The following ADGRV1 variants were observed in gnomAD, a reference collection of about 807,000 sequenced individuals.
The protein encoded by ADGRV1 is adhesion G protein-coupled receptor V1.
A neutral mutation model predicts 596.2 loss-of-function variants in ADGRV1; 359 were observed. The ratio of observed to expected loss-of-function variants is 0.60; its 90% CI spans 0.55 to 0.66. The LOEUF (loss-of-function observed/expected upper bound fraction) is 0.66. Ranked by LOEUF, ADGRV1 falls within the 30% of genes least tolerant of loss-of-function variation. The pLI is 0.00. For missense variants in ADGRV1, 7,274 were observed against 7,575.6 expected, an observed-to-expected ratio of 0.96 and a Z score of 1.48; for synonymous variants, 2,681 against 2,679.2, an observed-to-expected ratio of 1.00 and a Z score of -0.02.
At chr5:90,801,641 A>G (rs556995003) in intron 70 of ADGRV1, among the ~76,000 whole-genome samples, 156 of 152,196 alleles carry the variant, frequency 1.0e-3, no homozygotes, top group Admixed American at 1.6e-3. Flanking sequence ...CCATCATGGT[A>G]TATATTTTGC....
chr5:91,012,778 C>T (rs1782831278), intron 85 of ADGRV1, among the ~76,000 whole-genome samples: 1 of 151,824 alleles, frequency 6.6e-6, no homozygotes, highest in Non-Finnish European at 1.5e-5. Flanking sequence ...GTTTGTTATA[C>T]AAGTAAATTT....
intron 74 of ADGRV1, among the ~76,000 whole-genome samples, chr5:90,813,779 C>T (rs1053571506): frequency 7.2e-5 from 11 of 152,090 alleles, no homozygotes; most frequent in African/African-American, 1.9e-4. Context: ...CTCACTTAAC[C>T]GGATAATTAA....
At chr5:90,762,440 GAAAAC>G (rs1423145515) in intron 58 of ADGRV1, among the ~76,000 whole-genome samples, 1 of 152,086 alleles carries the variant, frequency 6.6e-6, no homozygotes, top group Non-Finnish European at 1.5e-5. Flanking sequence ...ATCTCATGAA[GAAAAC>G]AAAACAAGAT....
intron 4 of ADGRV1, among the ~76,000 whole-genome samples, chr5:90,620,328 G>C (rs1763900125): frequency 6.6e-6 from 1 of 152,156 alleles, no homozygotes; most frequent in South Asian, 2.1e-4. Flanking sequence ...TTGTGGTTTT[G>C]ATTTGCATTT....
intron 20 of ADGRV1, chr5:90,655,257 T>C (rs1769236209): frequency 1.3e-5 from 2 of 152,162 alleles, no homozygotes; most frequent in Admixed American, 1.3e-4. Flanking sequence ...TAAGATTCAC[T>C]TTTCCTATTT....
At chr5:90,755,948 AG>A (rs1244517992) in intron 55 of ADGRV1, among the ~76,000 whole-genome samples, 1 of 151,082 alleles carries the variant, frequency 6.6e-6, no homozygotes, top group Non-Finnish European at 1.5e-5. Context: ...GAAAGATATA[AG>A]GGATGGGATA....
intron 72 of ADGRV1, 46 bp from the exon 73 acceptor site, chr5:90,807,554 TAA>T: frequency 6.5e-7 from 1 of 1,537,394 alleles, no homozygotes; most frequent in Non-Finnish European, 8.8e-7. Flanking sequence ...AATCCCAATT[TAA>T]GAAAAGAAAT....
rs1425640860 is a variant in ADGRV1 at position 90,784,027 on chromosome 5, G to A, written c.13623G>A (p.Glu4541=). 5 of 1,612,530 alleles carry A rather than the reference G, an allele frequency of 3.1e-6. No individual in the cohort carries two copies. Among genetic ancestry groups the A allele is most frequent in the Non-Finnish European group, 4.2e-6 (5 of 1,179,258 alleles). Residue 4541 remains glutamate, a synonymous_variant, in exon 67 of 90, where the codon GAG becomes GAA. Transcript: ENST00000405460. Reference sequence around the variant, plus strand: ...CAATGATTTTATCACTGGTGCTGGAGCGGACTGGAGGACTCTTGGGAGAGA... The same window carrying A: ...CAATGATTTTATCACTGGTGCTGGAACGGACTGGAGGACTCTTGGGAGAGA... ...NSTMILSLVL[E]RTGGLLGEIQ...
At chr5:90,681,818 CTCCCTCACTCCG>C (rs1192795917) in intron 27 of ADGRV1, among the ~76,000 whole-genome samples, 4,737 of 147,244 alleles carry the variant, frequency 0.032, 152 homozygotes, top group African/African-American at 0.085. Context: ...CCCTCCCTCC[CTCCCTCACTCCG>C]TCCCTCCCTC....
Position 91,095,695 on chromosome 5 carries a change from G to T in ADGRV1, c.18311-6524G>T, listed in dbSNP as rs1463970739. ...TAAAGACCTATGTTTTAGAAATAAG[G>T]CTCTTTGATACCCTTTTGTTTCAAT... On this transcript the variant is annotated intron_variant, in intron 86 of 89. Transcript: ENST00000405460. Among the ~76,000 whole-genome samples the T allele has an allele frequency of 3.3e-5, 5 of 152,018 alleles. No homozygotes were observed. The East Asian group carries it at 9.6e-4, about 29-fold the overall frequency.
chr5:90,569,168 C>G (rs966937859), intron 1 of ADGRV1, among the ~76,000 whole-genome samples: 1 of 151,618 alleles, frequency 6.6e-6, no homozygotes, highest in Non-Finnish European at 1.5e-5. Flanking sequence ...AACCCACCCC[C>G]CTAATAGCAG....
rs867878437 is a variant in ADGRV1 at position 91,127,081 on chromosome 5, G to A, written c.18433-22949G>A. Among the ~76,000 whole-genome samples the A allele has an allele frequency of 1.7e-3, 256 of 152,202 alleles. 1 individual carries two copies. Among genetic ancestry groups the A allele is most frequent in the Admixed American group, 0.01 (155 of 15,290 alleles). On this transcript the variant is annotated intron_variant, in intron 87 of 89. Transcript: ENST00000405460. The stretch of plus-strand genomic sequence containing the variant: ...CAACCTGAACAAAGAGCACCTTTGC[G>A]CTTGCTGGTAGGTGCTGTACCAGAC...
chr5:90,831,108 C>A (rs1764480480), intron 77 of ADGRV1, among the ~76,000 whole-genome samples: 1 of 152,040 alleles, frequency 6.6e-6, no homozygotes, highest in Admixed American at 6.6e-5. Flanking sequence ...TGAACTGGAA[C>A]TAAACCATTG....
intron 83 of ADGRV1, among the ~76,000 whole-genome samples, chr5:90,894,427 T>C (rs1332706139): frequency 1.3e-5 from 2 of 152,172 alleles, no homozygotes; most frequent in African/African-American, 4.8e-5. Flanking sequence ...GCATATAAAA[T>C]GAGTAGGTGA....
intron 83 of ADGRV1, among the ~76,000 whole-genome samples, chr5:90,908,659 T>C (rs1772548869): frequency 6.6e-6 from 1 of 152,210 alleles, no homozygotes; most frequent in Non-Finnish European, 1.5e-5. Flanking sequence ...CTTATGTAAG[T>C]ATATACTAAA....
intron 1 of ADGRV1, among the ~76,000 whole-genome samples, chr5:90,600,616 C>T (rs957036117): frequency 2.6e-5 from 4 of 152,170 alleles, no homozygotes; most frequent in African/African-American, 9.7e-5. Flanking sequence ...AATAAACGTA[C>T]ATGTGCATGT....
chr5:91,113,754 A>T (rs1200819752), intron 87 of ADGRV1, among the ~76,000 whole-genome samples: 1 of 151,850 alleles, frequency 6.6e-6, no homozygotes, highest in Non-Finnish European at 1.5e-5. Context: ...CCCCATCTCT[A>T]CTAGAAATAT....
At chr5:90,693,837 T>G (rs902568688) in intron 32 of ADGRV1, 53 bp from the exon 33 acceptor site, 6 of 1,335,700 alleles carry the variant, frequency 4.5e-6, no homozygotes, top group Non-Finnish European at 6.1e-6. Flanking sequence ...CTTCTCTATT[T>G]GTAATTACTT....
At chr5:90,865,027 A>G (rs1399003351) in intron 83 of ADGRV1, among the ~76,000 whole-genome samples, 1 of 152,154 alleles carries the variant, frequency 6.6e-6, no homozygotes, top group Non-Finnish European at 1.5e-5. Flanking sequence ...ATTATCTTAA[A>G]CATTGGGATT....
Sources: gnomAD v4.1 joint callset for allele counts (sites outside exome capture counted in the v4.1 genomes callset) on GRCh38, gnomAD v4.1.1 for gene constraint, MANE v1.5 for transcripts, NCBI Gene and HGNC (gene_info 2026-07-23, HGNC 2026-07-21) for gene names.